The following ZCWPW2 variants were observed in gnomAD, a reference collection of about 807,000 sequenced individuals.
The protein encoded by ZCWPW2 is zinc finger CW-type and PWWP domain containing 2.
In ZCWPW2, 45 loss-of-function variants were observed where a neutral mutation model predicts 46.6. The ratio of observed to expected loss-of-function variants is 0.96; its 90% CI spans 0.76 to 1.24. The LOEUF (loss-of-function observed/expected upper bound fraction) is 1.24, where lower values mean the gene tolerates loss of function less well. ZCWPW2 is among the 50% of genes most tolerant of loss of function. ZCWPW2 has a pLI of 0.00. For synonymous variants in ZCWPW2, 152 were observed against 137.1 expected (o/e 1.11, Z -0.76); for missense variants, 429 against 403.9 (o/e 1.06, Z -0.53).
At chr3:28,505,474 C>T (rs940603846) in intron 6 of ZCWPW2, among the ~76,000 whole-genome samples, 2 of 152,084 alleles carry the variant, frequency 1.3e-5, no homozygotes, top group African/African-American at 4.8e-5. Flanking sequence ...ACCAAATGAT[C>T]ATTTTAATCC....
At chr3:28,422,707 GT>G (rs1379342207) in intron 3 of ZCWPW2, among the ~76,000 whole-genome samples, 1 of 152,100 alleles carries the variant, frequency 6.6e-6, no homozygotes, top group African/African-American at 2.4e-5. Context: ...ATGTGGACCT[GT>G]TTTCAGTTCC....
intron 1 of ZCWPW2, among the ~76,000 whole-genome samples, chr3:28,350,817 A>G (rs1031118961): frequency 6.6e-6 from 1 of 151,908 alleles, no homozygotes; most frequent in Non-Finnish European, 1.5e-5. Flanking sequence ...GACATTTTAT[A>G]GGAAAAGAGA....
chr3:28,396,846 G>A (rs971728046), intron 2 of ZCWPW2, among the ~76,000 whole-genome samples: 1 of 151,940 alleles, frequency 6.6e-6, no homozygotes, highest in Admixed American at 6.6e-5. Context: ...TTCTAGTATT[G>A]GGCTGGGTGC....
chr3:28,494,485 G>C (rs1699920749), intron 6 of ZCWPW2, among the ~76,000 whole-genome samples: 1 of 151,028 alleles, frequency 6.6e-6, no homozygotes, highest in Admixed American at 6.6e-5. Context: ...ATTTCTGAGG[G>C]CTCTGTTCTG....
intron 1 of ZCWPW2, among the ~76,000 whole-genome samples, chr3:28,363,568 G>A (rs1383791192): frequency 2.0e-5 from 3 of 152,008 alleles, no homozygotes; most frequent in African/African-American, 4.8e-5. Context: ...GATAGTAAAC[G>A]ACTGGCCTTG....
chr3:28,506,000 A>G (rs1334161158), intron 6 of ZCWPW2, among the ~76,000 whole-genome samples: 1 of 150,678 alleles, frequency 6.6e-6, no homozygotes, highest in Non-Finnish European at 1.5e-5. Context: ...ACACAGTTCT[A>G]TGGATTTTCT....
intron 1 of ZCWPW2, among the ~76,000 whole-genome samples, chr3:28,373,308 A>G (rs1426952860): frequency 6.6e-6 from 1 of 152,030 alleles, no homozygotes; most frequent in African/African-American, 2.4e-5. Context: ...CCACATCCTT[A>G]CCAGCATTTG....
chr3:28,451,754 T>G (rs1698233813), intron 4 of ZCWPW2, among the ~76,000 whole-genome samples: 1 of 152,204 alleles, frequency 6.6e-6, no homozygotes, highest in Non-Finnish European at 1.5e-5. Flanking sequence ...GTTTATAGCT[T>G]CATCATCTGG....
At chr3:28,349,464 G>A (rs904238178) in intron 1 of ZCWPW2, among the ~76,000 whole-genome samples, 1 of 152,178 alleles carries the variant, frequency 6.6e-6, no homozygotes, top group Non-Finnish European at 1.5e-5. Context: ...GCACAAGCTC[G>A]ACGAATTGCG....
intron 3 of ZCWPW2, among the ~76,000 whole-genome samples, chr3:28,420,096 G>C (rs1696706359): frequency 6.6e-6 from 1 of 151,768 alleles, no homozygotes; most frequent in Non-Finnish European, 1.5e-5. Context: ...ACAGCTCCTG[G>C]AATCATTGAT....
intron 3 of ZCWPW2, among the ~76,000 whole-genome samples, chr3:28,413,899 T>G (rs868055763): frequency 6.6e-6 from 1 of 152,144 alleles, no homozygotes; most frequent in East Asian, 1.9e-4. Flanking sequence ...CACAGTCATT[T>G]GAAAAGCATG....
At chr3:28,392,121 G>A (rs1006668227) in intron 2 of ZCWPW2, among the ~76,000 whole-genome samples, 1 of 152,092 alleles carries the variant, frequency 6.6e-6, no homozygotes. Flanking sequence ...TAGACTGAAA[G>A]TGTGGAAAAA....
At chr3:28,386,667 A>T (rs950888283) in intron 1 of ZCWPW2, among the ~76,000 whole-genome samples, 1 of 152,164 alleles carries the variant, frequency 6.6e-6, no homozygotes, top group African/African-American at 2.4e-5. Context: ...TGATTCTTTT[A>T]AAAATAAATA....
chr3:28,377,765 G>C (rs957279803), intron 1 of ZCWPW2, among the ~76,000 whole-genome samples: 8 of 152,002 alleles, frequency 5.3e-5, no homozygotes, highest in African/African-American at 1.9e-4. Flanking sequence ...TGTTAGATCT[G>C]TTTTATTCTT....
intron 6 of ZCWPW2, among the ~76,000 whole-genome samples, chr3:28,496,850 G>A (rs966470620): frequency 2.6e-5 from 4 of 151,532 alleles, no homozygotes; most frequent in African/African-American, 9.7e-5. Context: ...AAGAAAACAG[G>A]CATAGGGATG....
intron 6 of ZCWPW2, among the ~76,000 whole-genome samples, chr3:28,512,329 C>T (rs1368646988): frequency 6.6e-6 from 1 of 151,998 alleles, no homozygotes; most frequent in Non-Finnish European, 1.5e-5. Flanking sequence ...AGGTGTGCAC[C>T]ACCATGCCTG....
rs71087693 is a variant in ZCWPW2, at chr3:28,364,320, C to CT, written c.-134+15128dup. Among the ~76,000 whole-genome samples the CT allele has an allele frequency of 3.0e-3, 452 of 149,028 alleles. 1 individual carries two copies. The highest frequency in any genetic ancestry group is 9.4e-3 in the African/African-American group (383 of 40,576). ...AGACATAGACATATATAAAAACATT[C>CT]TTTTTTTTTTTACATCACATTTTCT... On this transcript the variant is annotated intron_variant, in intron 1 of 9. Transcript: ENST00000383768.
At chr3:28,524,329 A>G (rs1700799296) in intron 9 of ZCWPW2, among the ~76,000 whole-genome samples, 198 bp from the exon 10 acceptor site, 1 of 152,078 alleles carries the variant, frequency 6.6e-6, no homozygotes, top group Non-Finnish European at 1.5e-5. Context: ...GGGAATAGAC[A>G]CAGACCTAAA....
intron 4 of ZCWPW2, among the ~76,000 whole-genome samples, chr3:28,441,027 G>A (rs1398738811): frequency 6.6e-6 from 1 of 152,180 alleles, no homozygotes; most frequent in East Asian, 1.9e-4. Flanking sequence ...GTGAGTGGAA[G>A]TTGATGTTGC....
Sources: allele counts gnomAD v4.1 joint callset (sites outside exome capture counted in the v4.1 genomes callset), GRCh38; gene constraint gnomAD v4.1.1; transcripts MANE v1.5; gene names NCBI Gene and HGNC (gene_info 2026-07-23, HGNC 2026-07-21).